Variants in CTNNA3 observed in about 807,000 individuals in gnomAD.
CTNNA3 encodes the protein catenin alpha-3.
Under a neutral mutation model 95.7 loss-of-function variants are expected in CTNNA3, and 76 were observed. The ratio of observed to expected loss-of-function variants is 0.79; its 90% CI spans 0.66 to 0.96. The LOEUF is 0.96. Among genes scored for constraint, CTNNA3 ranks in the 40% least tolerant of loss-of-function variants. CTNNA3 has a pLI of 0.00. For synonymous variants in CTNNA3, 431 were observed against 374.4 expected (o/e 1.15, Z -1.74); for missense variants, 1,191 against 1,089.8 (o/e 1.09, Z -1.31).
At chr10:66,200,345 A>G (rs2087318541) in intron 13 of CTNNA3, among the ~76,000 whole-genome samples, 1 of 152,122 alleles carries the variant, frequency 6.6e-6, no homozygotes. Context: ...AATTAGAAGA[A>G]AAAAGACCAC....
intron 11 of CTNNA3, among the ~76,000 whole-genome samples, chr10:66,472,832 G>A (rs1263736687): frequency 6.6e-6 from 1 of 151,858 alleles, no homozygotes; most frequent in Admixed American, 6.6e-5. Context: ...CAAAAATATA[G>A]TGTGGTAGTA....
At chr10:66,367,937 G>A (rs1376525177) in intron 12 of CTNNA3, among the ~76,000 whole-genome samples, 2 of 143,960 alleles carry the variant, frequency 1.4e-5, no homozygotes, top group Non-Finnish European at 3.0e-5. Flanking sequence ...TTTTCTGGGA[G>A]CCCGCTGACT....
intron 5 of CTNNA3, among the ~76,000 whole-genome samples, chr10:67,249,036 G>A (rs965249434): frequency 6.6e-6 from 1 of 151,988 alleles, no homozygotes; most frequent in African/African-American, 2.4e-5. Flanking sequence ...TGGTTTAGAT[G>A]GCAATTTATT....
At chr10:67,550,620 CTTTA>C (rs1038915126) in intron 3 of CTNNA3, among the ~76,000 whole-genome samples, 2 of 148,352 alleles carry the variant, frequency 1.3e-5, no homozygotes, top group African/African-American at 2.6e-5. Flanking sequence ...ATTAAGAATT[CTTTA>C]TTTAAAGAAT....
intron 11 of CTNNA3, among the ~76,000 whole-genome samples, chr10:66,401,354 T>C (rs2093018727): frequency 1.3e-5 from 2 of 151,870 alleles, no homozygotes; most frequent in Admixed American, 6.6e-5. Context: ...GGAAAAACCT[T>C]GTCTCTACTA....
intron 7 of CTNNA3, among the ~76,000 whole-genome samples, chr10:67,117,553 A>G (rs988807025): frequency 1.3e-5 from 2 of 152,128 alleles, no homozygotes; most frequent in Non-Finnish European, 2.9e-5. Flanking sequence ...TGAAAAGAAG[A>G]CTGTAAACAA....
intron 13 of CTNNA3, among the ~76,000 whole-genome samples, chr10:66,179,705 T>A (rs1248109208): frequency 2.0e-5 from 3 of 152,112 alleles, no homozygotes; most frequent in Non-Finnish European, 2.9e-5. Context: ...TTCATTTAAA[T>A]TTTTAAGTTT....
At chr10:65,985,335 T>C (rs2078406501) in intron 16 of CTNNA3, among the ~76,000 whole-genome samples, 1 of 151,136 alleles carries the variant, frequency 6.6e-6, no homozygotes, top group Admixed American at 6.6e-5. Context: ...CATGAAATAA[T>C]ATTATACCTC....
At chr10:65,948,387 A>G (rs536175088) in intron 17 of CTNNA3, among the ~76,000 whole-genome samples, 1 of 152,266 alleles carries the variant, frequency 6.6e-6, no homozygotes, top group African/African-American at 2.4e-5. Context: ...ATGAATATAT[A>G]CATAGAAAGA....
intron 7 of CTNNA3, among the ~76,000 whole-genome samples, chr10:66,896,248 C>G (rs1845488331): frequency 6.6e-6 from 1 of 152,138 alleles, no homozygotes; most frequent in South Asian, 2.1e-4. Flanking sequence ...TTTCTTGTGC[C>G]TTACAACTGA....
chr10:66,033,395 G>A (rs4745882), intron 15 of CTNNA3, among the ~76,000 whole-genome samples: 117,473 of 152,042 alleles, frequency 0.77, 45,712 homozygotes, highest in South Asian at 0.9. Flanking sequence ...TCAGCCTCCC[G>A]AAGTGCTGGG....
At chr10:67,085,881 TATAA>T (rs1380200121) in intron 7 of CTNNA3, among the ~76,000 whole-genome samples, 19 of 152,118 alleles carry the variant, frequency 1.2e-4, no homozygotes, top group African/African-American at 4.6e-4. Context: ...AACAGCAATA[TATAA>T]ATAAGACCAA....
intron 13 of CTNNA3, among the ~76,000 whole-genome samples, chr10:66,110,643 T>A (rs2133776154): frequency 6.6e-6 from 1 of 152,336 alleles, no homozygotes; most frequent in East Asian, 1.9e-4. Context: ...TTTTTATCTT[T>A]TATTCATAAT....
intron 15 of CTNNA3, among the ~76,000 whole-genome samples, chr10:66,049,056 A>G (rs1251826086): frequency 6.6e-6 from 1 of 152,230 alleles, no homozygotes; most frequent in Non-Finnish European, 1.5e-5. Flanking sequence ...CAAAGGTCCA[A>G]TATCCAGCAT....
chr10:67,228,915 T>C (rs933584328), intron 5 of CTNNA3, among the ~76,000 whole-genome samples: 7 of 152,110 alleles, frequency 4.6e-5, no homozygotes, highest in African/African-American at 1.4e-4. Context: ...ACCAACCCTT[T>C]TGACACTATT....
At chr10:66,033,061 G>A (rs1654087425) in intron 15 of CTNNA3, among the ~76,000 whole-genome samples, 2 of 151,786 alleles carry the variant, frequency 1.3e-5, no homozygotes, top group Admixed American at 1.3e-4. Flanking sequence ...TATTCTGTAG[G>A]CCTAGTTCAA....
At chr10:67,256,671 A>T (rs1866365691) in intron 5 of CTNNA3, among the ~76,000 whole-genome samples, 1 of 152,164 alleles carries the variant, frequency 6.6e-6, no homozygotes, top group African/African-American at 2.4e-5. Flanking sequence ...CATTGCTTTG[A>T]AAAGTCTCTG....
chr10:67,140,522 A>G (rs936652196), intron 7 of CTNNA3, among the ~76,000 whole-genome samples: 13 of 152,272 alleles, frequency 8.5e-5, no homozygotes, highest in African/African-American at 2.4e-4. Flanking sequence ...TTAAAAATAA[A>G]AAGACTTCTG....
At chr10:66,384,111 G>A (rs1305737635) in intron 11 of CTNNA3, among the ~76,000 whole-genome samples, 1 of 152,064 alleles carries the variant, frequency 6.6e-6, no homozygotes, top group Non-Finnish European at 1.5e-5. Flanking sequence ...AACCTTAAGT[G>A]CAAATGGGCT....
Sources: gnomAD v4.1 joint callset for allele counts (sites outside exome capture counted in the v4.1 genomes callset) on GRCh38, gnomAD v4.1.1 for gene constraint, MANE v1.5 for transcripts, NCBI Gene and HGNC (gene_info 2026-07-23, HGNC 2026-07-21) for gene names.